EPHA6: variants seen among roughly 807,000 people sequenced by gnomAD.
EPHA6 encodes the protein EPH receptor A6.
In EPHA6, 50 loss-of-function variants were observed where a neutral mutation model predicts 112.0. That is an observed-to-expected ratio of 0.45 (90% CI 0.36 to 0.56). The LOEUF (loss-of-function observed/expected upper bound fraction) is 0.56, where lower values mean the gene tolerates loss of function less well. Ranked by LOEUF, EPHA6 falls within the 20% of genes least tolerant of loss-of-function variation. The pLI is 0.00. For synonymous variants in EPHA6, 529 were observed against 490.7 expected (o/e 1.08, Z -1.03); for missense variants, 1,280 against 1,417.4 (o/e 0.90, Z 1.56).
At chr3:97,475,490 G>T in intron 8 of EPHA6, 30 bp downstream of exon 8, 1 of 1,459,214 alleles carries the variant, frequency 6.9e-7, no homozygotes, top group Non-Finnish European at 9.5e-7. Flanking sequence ...CTATTTCCGA[G>T]ATTTATGAAT....
At chr3:97,015,413 G>A (rs914663125) in intron 3 of EPHA6, among the ~76,000 whole-genome samples, 2 of 152,122 alleles carry the variant, frequency 1.3e-5, no homozygotes, top group Non-Finnish European at 2.9e-5. Context: ...GAGTGTTTGG[G>A]TTATAGCCAG....
intron 5 of EPHA6, among the ~76,000 whole-genome samples, chr3:97,294,205 G>A (rs1559858051): frequency 6.6e-6 from 1 of 152,266 alleles, no homozygotes; most frequent in East Asian, 1.9e-4. Context: ...ATTCATAGTG[G>A]GCAGGGCTCC....
At chr3:96,848,260 A>G (rs2035190101) in intron 1 of EPHA6, among the ~76,000 whole-genome samples, 1 of 152,070 alleles carries the variant, frequency 6.6e-6, no homozygotes, top group Non-Finnish European at 1.5e-5. Flanking sequence ...TTTCTACTTT[A>G]ATAAAAATTT....
chr3:97,049,818 G>A (rs2045627780), intron 3 of EPHA6, among the ~76,000 whole-genome samples: 1 of 152,082 alleles, frequency 6.6e-6, no homozygotes, highest in Non-Finnish European at 1.5e-5. Context: ...CTGATAGAAT[G>A]AGAACTCACT....
rs375507642 is a variant in EPHA6 at position 97,492,473 on chromosome 3, C to T, written c.2200+8414C>T. Among the ~76,000 whole-genome samples the T allele has an allele frequency of 3.6e-4, 49 of 136,262 alleles. 1 individual carries two copies. Among genetic ancestry groups the T allele is most frequent in the South Asian group, 1.5e-3 (6 of 4,008 alleles). 89.4% of individuals were successfully genotyped at this position (136,262 alleles called of 152,430 possible). A position where few individuals can be genotyped will look rare whatever the true frequency, so the allele number is the denominator to read the frequency against. ...AGGAGAATCTCTAGAACCAGGGAGG[C>T]GGAGATTGTAGTGAACCGAGATAGT... On this transcript the variant is annotated intron_variant, in intron 10 of 17. Coordinates refer to ENST00000389672, the MANE Select transcript of EPHA6 (RefSeq NM_001080448.3).
chr3:97,534,460 CTT>C (rs558458660), intron 11 of EPHA6, among the ~76,000 whole-genome samples: 27 of 136,524 alleles, frequency 2.0e-4, no homozygotes, highest in African/African-American at 1.9e-4. Context: ...CCACCCCCCC[CTT>C]TTTTTTTTTT....
At chr3:97,077,495 C>A (rs2046567354) in intron 3 of EPHA6, among the ~76,000 whole-genome samples, 1 of 152,036 alleles carries the variant, frequency 6.6e-6, no homozygotes. Context: ...ACCCATCAAC[C>A]CATCATTTAC....
At chr3:97,411,240 C>T (rs984529689) in intron 6 of EPHA6, among the ~76,000 whole-genome samples, 2 of 151,918 alleles carry the variant, frequency 1.3e-5, no homozygotes, top group African/African-American at 4.8e-5. Context: ...TCTGTGGAAG[C>T]TTGTCTGGCT....
chr3:97,589,381 G>A (rs1378048535), intron 11 of EPHA6, among the ~76,000 whole-genome samples: 2 of 152,036 alleles, frequency 1.3e-5, no homozygotes, highest in Non-Finnish European at 1.5e-5. Flanking sequence ...AAGCCAGAAG[G>A]AAGCATGCAG....
chr3:96,915,466 A>G (rs2039437368), intron 2 of EPHA6, among the ~76,000 whole-genome samples: 1 of 152,094 alleles, frequency 6.6e-6, no homozygotes, highest in Admixed American at 6.6e-5. Flanking sequence ...AGCAGAATAA[A>G]TTCAAGGAAC....
chr3:96,928,314 G>A (rs996827877), intron 2 of EPHA6, among the ~76,000 whole-genome samples: 2 of 152,056 alleles, frequency 1.3e-5, no homozygotes, highest in African/African-American at 4.8e-5. Context: ...CAGAGATTCT[G>A]GTATATTAGC....
intron 14 of EPHA6, among the ~76,000 whole-genome samples, chr3:97,697,416 A>G (rs2033110330): frequency 6.6e-6 from 1 of 152,212 alleles, no homozygotes; most frequent in South Asian, 2.1e-4. Context: ...TAATAAAAAT[A>G]AAGGACATTT....
intron 5 of EPHA6, among the ~76,000 whole-genome samples, chr3:97,345,746 C>A (rs1206326940): frequency 6.6e-6 from 1 of 151,798 alleles, no homozygotes; most frequent in Admixed American, 6.6e-5. Context: ...TAACCTTTAC[C>A]CACAAATTAT....
intron 5 of EPHA6, among the ~76,000 whole-genome samples, chr3:97,379,730 G>A (rs1372152561): frequency 8.7e-6 from 1 of 115,028 alleles, no homozygotes; most frequent in Non-Finnish European, 1.6e-5. Flanking sequence ...GCCTGGGCAA[G>A]AGGGTGAGAC....
At chr3:97,674,958 T>C (rs1576262091) in intron 14 of EPHA6, among the ~76,000 whole-genome samples, 1 of 152,090 alleles carries the variant, frequency 6.6e-6, no homozygotes, top group Admixed American at 6.6e-5. Flanking sequence ...AGTACAAGAT[T>C]CTAATACATC....
intron 3 of EPHA6, among the ~76,000 whole-genome samples, chr3:97,041,034 G>C (rs2045294109): frequency 6.6e-6 from 1 of 151,980 alleles, no homozygotes; most frequent in Non-Finnish European, 1.5e-5. Context: ...ATAAAAGTTT[G>C]AGATGAATTA....
chr3:97,249,012 A>G (rs1361520184), intron 5 of EPHA6, among the ~76,000 whole-genome samples: 3 of 151,866 alleles, frequency 2.0e-5, no homozygotes, highest in East Asian at 3.9e-4. Flanking sequence ...CACAGCAAAT[A>G]TTCTTTTAAA....
At chr3:97,224,028 C>T (rs1039054737) in intron 3 of EPHA6, among the ~76,000 whole-genome samples, 4 of 148,838 alleles carry the variant, frequency 2.7e-5, no homozygotes, top group Non-Finnish European at 5.9e-5. Context: ...TCAAATACTT[C>T]GAGAAAAAAA....
chr3:97,325,216 A>C (rs897965311), intron 5 of EPHA6, among the ~76,000 whole-genome samples: 6 of 152,140 alleles, frequency 3.9e-5, no homozygotes, highest in Admixed American at 1.3e-4. Flanking sequence ...GCCGTAATCA[A>C]GCACCATCGA....
Sources: gnomAD v4.1 joint callset for allele counts (sites outside exome capture counted in the v4.1 genomes callset) on GRCh38, gnomAD v4.1.1 for gene constraint, MANE v1.5 for transcripts, NCBI Gene and HGNC (gene_info 2026-07-23, HGNC 2026-07-21) for gene names.